The following PCNX2 variants were observed in gnomAD, a reference collection of about 807,000 sequenced individuals.
PCNX2 encodes pecanex-like protein 2.
A neutral mutation model predicts 223.8 loss-of-function variants in PCNX2; 168 were observed. The observed-to-expected ratio is 0.75, with a 90% CI of 0.66 to 0.85. The LOEUF is 0.85. PCNX2 is among the 40% of genes least tolerant of loss of function. The pLI is 0.00. For synonymous variants in PCNX2, 1,006 were observed against 1,052.6 expected (o/e 0.96, Z 0.86); for missense variants, 2,507 against 2,675.5 (o/e 0.94, Z 1.39).
Position 233,000,658 on chromosome 1 carries a change from C to A in PCNX2, c.5098-123G>T, listed in dbSNP as rs911324373. ...AAGCTCTTTCCTCATCTTCCTCTCT[C>A]CTGTTCTTTTTCCAAATCCTGAGCT... On this transcript the variant is annotated intron_variant, in intron 29 of 33. Coordinates refer to ENST00000258229, the MANE Select transcript of PCNX2 (RefSeq NM_014801.4). This position sits in a 1 kb window ranked among gnomAD's most constrained non-coding sequence, Gnocchi z 4.6. 4.0e-6 allele frequency: 3 copies of A among 752,878 alleles called. No individual in the cohort carries two copies. Among genetic ancestry groups the A allele is most frequent in the African/African-American group, 3.5e-5 (2 of 57,086 alleles). 46.6% of individuals were successfully genotyped at this position (752,878 alleles called of 1,614,324 possible).
the PCNX2 span, among the ~76,000 whole-genome samples, chr1:233,308,486 AAAAG>A: frequency 6.7e-6 from 1 of 150,162 alleles, no homozygotes; most frequent in African/African-American, 2.4e-5. Context: ...AAGAAAAAGA[AAAAG>A]AAAAAGAAAT....
At chr1:233,218,245 C>CTT in intron 10 of PCNX2, 61 bp from the exon 11 acceptor site, 1 of 860,090 alleles carries the variant, frequency 1.2e-6, no homozygotes, top group South Asian at 2.0e-5. Context: ...GTAAGTTTTG[C>CTT]CTTTTTTTTT....
chr1:233,192,024 G>A (rs546592286), intron 15 of PCNX2, among the ~76,000 whole-genome samples: 1 of 152,224 alleles, frequency 6.6e-6, no homozygotes, highest in South Asian at 2.1e-4. Context: ...AATCATCTCT[G>A]AACTAGTAGT....
intron 25 of PCNX2, among the ~76,000 whole-genome samples, chr1:233,051,231 T>C (rs1464704210): frequency 6.6e-6 from 1 of 152,216 alleles, no homozygotes; most frequent in East Asian, 1.9e-4. Context: ...GGAACATTTA[T>C]ACACTGTTGA....
chr1:233,304,662 A>T, the PCNX2 span, among the ~76,000 whole-genome samples: 52 of 152,308 alleles, frequency 3.4e-4, no homozygotes, highest in Non-Finnish European at 5.6e-4. Context: ...GAAAAAGCAG[A>T]GTGGCTTTTA....
the PCNX2 span, among the ~76,000 whole-genome samples, chr1:233,323,840 C>T: frequency 6.6e-6 from 1 of 152,166 alleles, no homozygotes; most frequent in Non-Finnish European, 1.5e-5. Context: ...AAAGTCATAC[C>T]TATCTCACTT....
chr1:233,192,602 A>G (rs1401590696), intron 15 of PCNX2, among the ~76,000 whole-genome samples: 1 of 152,150 alleles, frequency 6.6e-6, no homozygotes, highest in Admixed American at 6.5e-5. Flanking sequence ...AGCTTTCTAA[A>G]GCACATTTAC....
At chr1:233,125,795 C>A (rs1456420641) in intron 21 of PCNX2, 1 of 152,184 alleles carries the variant, frequency 6.6e-6, no homozygotes, top group Non-Finnish European at 1.5e-5. Flanking sequence ...ATTACCACCA[C>A]GTAGAGACAG....
Position 233,064,828 on chromosome 1 carries a change from C to T in PCNX2, c.4077-7538G>A, listed in dbSNP as rs12140464. Among the ~76,000 whole-genome samples the T allele has an allele frequency of 5.9e-5, 9 of 152,036 alleles. 1 individual carries two copies. Among genetic ancestry groups the T allele is most frequent in the African/African-American group, 1.7e-4 (7 of 41,390 alleles). The stretch of plus-strand genomic sequence containing the variant: ...GCTACATCTCTGGAACTGAAAACTT[C>T]TAAACCAGATTTTCATAAAGAAAAG... On this transcript the variant is annotated intron_variant, in intron 23 of 33. Transcript: ENST00000258229.
intron 12 of PCNX2, among the ~76,000 whole-genome samples, chr1:233,216,338 G>T (rs755000109): frequency 1.3e-5 from 2 of 152,212 alleles, no homozygotes; most frequent in Non-Finnish European, 2.9e-5. Context: ...GGCACCAACA[G>T]ATCAGCATAG....
chr1:233,317,468 A>G, the PCNX2 span, among the ~76,000 whole-genome samples: 1 of 152,172 alleles, frequency 6.6e-6, no homozygotes, highest in African/African-American at 2.4e-5. Flanking sequence ...ACTGATGACA[A>G]CAAGATAAAA....
At chr1:233,205,543 A>T (rs1202790333) in intron 13 of PCNX2, among the ~76,000 whole-genome samples, 1 of 152,020 alleles carries the variant, frequency 6.6e-6, no homozygotes, top group Admixed American at 6.6e-5. Context: ...AAAAATACAA[A>T]AATTAGCTAG....
At chr1:233,284,800 G>C (rs1661360991) in intron 1 of PCNX2, among the ~76,000 whole-genome samples, 1 of 152,088 alleles carries the variant, frequency 6.6e-6, no homozygotes, top group African/African-American at 2.4e-5. Flanking sequence ...CCCTGACAAA[G>C]CAGTCTGAAG....
At chr1:233,043,105 C>A (rs184689661) in intron 25 of PCNX2, among the ~76,000 whole-genome samples, 11 of 152,316 alleles carry the variant, frequency 7.2e-5, no homozygotes, top group African/African-American at 2.6e-4. Flanking sequence ...TCCTTCACCT[C>A]TTCAGACAGT....
At chr1:233,010,998 T>A (rs1670448569) in intron 28 of PCNX2, among the ~76,000 whole-genome samples, 1 of 152,226 alleles carries the variant, frequency 6.6e-6, no homozygotes, top group African/African-American at 2.4e-5. Context: ...CATCACCTGA[T>A]GTGCTTTAGC....
chr1:233,045,925 G>A (rs1182344324), intron 25 of PCNX2, among the ~76,000 whole-genome samples: 2 of 152,250 alleles, frequency 1.3e-5, no homozygotes, highest in African/African-American at 4.8e-5. Context: ...TGCAAAGCCT[G>A]CTTTGCTAGC....
At chr1:233,228,507 C>T (rs1003442761) in intron 9 of PCNX2, among the ~76,000 whole-genome samples, 1 of 152,156 alleles carries the variant, frequency 6.6e-6, no homozygotes, top group Non-Finnish European at 1.5e-5. Context: ...ACCCTCCCCC[C>T]AGCCTCTGGT....
At chr1:233,244,779 T>C (rs1451266096) in intron 8 of PCNX2, among the ~76,000 whole-genome samples, 1 of 152,216 alleles carries the variant, frequency 6.6e-6, no homozygotes, top group Non-Finnish European at 1.5e-5. Context: ...CCACCTCTGA[T>C]TTCTATGTAG....
intron 12 of PCNX2, among the ~76,000 whole-genome samples, chr1:233,213,066 C>T (rs1681907735): frequency 6.6e-6 from 1 of 152,170 alleles, no homozygotes; most frequent in Non-Finnish European, 1.5e-5. Context: ...AAAATCCCAA[C>T]TGAGAAACAG....
Sources: allele counts gnomAD v4.1 joint callset (sites outside exome capture counted in the v4.1 genomes callset), GRCh38; gene constraint gnomAD v4.1.1; non-coding constraint Gnocchi (gnomAD v3.1); transcripts MANE v1.5; gene names NCBI Gene and HGNC (gene_info 2026-07-23, HGNC 2026-07-21).